Variants in BPIFA3 observed in about 807,000 individuals in gnomAD.
BPIFA3 encodes the protein BPI fold containing family A member 3, also known as BPI fold-containing family A member 3.
In BPIFA3, 32 loss-of-function variants were observed where a neutral mutation model predicts 29.7. That is an observed-to-expected ratio of 1.08 (90% CI 0.81 to 1.45). The LOEUF (loss-of-function observed/expected upper bound fraction) is 1.45. Among genes scored for constraint, BPIFA3 ranks in the 40% most tolerant of loss-of-function variants. The pLI is 0.00. For missense variants in BPIFA3, 323 were observed against 311.3 expected (o/e 1.04, Z -0.28); for synonymous variants, 112 against 113.7 (o/e 0.98, Z 0.10).
intron 1 of BPIFA3, among the ~76,000 whole-genome samples, chr20:33,221,801 T>C (rs2146484208): frequency 6.6e-6 from 1 of 152,378 alleles, no homozygotes; most frequent in East Asian, 1.9e-4. Flanking sequence ...CATAAATGTA[T>C]CCTTTTCATT....
At chr20:33,224,225 TA>T in intron 2 of BPIFA3, 129 bp from the exon 3 acceptor site, 1 of 860,860 alleles carries the variant, frequency 1.2e-6, no homozygotes, top group Non-Finnish European at 1.8e-6. Context: ...AGAGCATCTG[TA>T]AAAGAATCAC....
chr20:33,221,618 C>T (rs1436097278), intron 1 of BPIFA3, among the ~76,000 whole-genome samples: 1 of 152,160 alleles, frequency 6.6e-6, no homozygotes, highest in African/African-American at 2.4e-5. Flanking sequence ...TTTTCTTTCA[C>T]ATTTATCTCT....
At chr20:33,221,058 C>T (rs1379721087) in intron 1 of BPIFA3, among the ~76,000 whole-genome samples, 1 of 152,120 alleles carries the variant, frequency 6.6e-6, no homozygotes. Context: ...TTTCCTCCAA[C>T]CTACTAAATG....
chr20:33,224,589 T>C, intron 3 of BPIFA3, 127 bp downstream of exon 3: 10 of 770,314 alleles, frequency 1.3e-5, no homozygotes, highest in Non-Finnish European at 2.0e-5. Context: ...CTGTGTGACC[T>C]TGGGCAAGTC....
Position 33,223,751 on chromosome 20 carries a change from C to T in BPIFA3, c.128-60C>T, listed in dbSNP as rs559533895. On this transcript the variant is annotated intron_variant, in intron 1 of 6. Transcript: ENST00000375454. ...AGCCTGCAACCCAGGCCTCCGAATCCCAAGCCCCCCACCTTTTCCGTGACA... is the reference window on the plus strand; with the variant it reads ...AGCCTGCAACCCAGGCCTCCGAATCTCAAGCCCCCCACCTTTTCCGTGACA... The T allele has an allele frequency of 4.2e-5, 65 of 1,563,012 alleles. No homozygotes were observed. In the African/African-American group the frequency reaches 8.0e-4, roughly 19 times the overall value.
At chr20:33,226,129 C>G (rs2146489387) in intron 4 of BPIFA3, 2 of 342,396 alleles carry the variant, frequency 5.8e-6, no homozygotes, top group South Asian at 4.0e-5. Context: ...CATTGAGTAC[C>G]TAGATTGTAC....
chr20:33,225,132 C>A lies in BPIFA3; in HGVS notation c.421C>A (p.His141Asn), dbSNP rs751163653. Residue 141 changes from histidine (H) to asparagine (N), a missense_variant, in exon 4 of 7, where the codon CAT (histidine) becomes AAT (asparagine). Transcript: ENST00000375454. ...TAACAACATCGTAAAGATGTGTGCA[C>A]ATATGAGCATCGTTGTGGAGTTCTG... is the stretch of plus-strand genomic sequence containing the variant. ...FDNNIVKMCA[H>N]MSIVVEFWLE... 6.2e-7 allele frequency: 1 copy of A among 1,614,174 alleles called. No individual in the cohort carries two copies. The highest frequency in any genetic ancestry group is 8.5e-7 in the Non-Finnish European group (1 of 1,180,040).
At chr20:33,226,809 C>T in intron 5 of BPIFA3, 121 bp from the exon 6 acceptor site, 1 of 1,195,786 alleles carries the variant, frequency 8.4e-7, no homozygotes, top group Non-Finnish European at 1.2e-6. Flanking sequence ...TACAAGGGAG[C>T]TGCTCTGGCC....
rs2146486707 is a variant in BPIFA3 at position 33,223,881 on chromosome 20, G to A, written c.198G>A (p.Leu66=). The A allele has an allele frequency of 6.2e-7, 1 of 1,614,200 alleles. No homozygotes were observed. Among genetic ancestry groups the A allele is most frequent in the Non-Finnish European group, 8.5e-7 (1 of 1,180,020 alleles). ...RIQNIHFGDR[L]NASAQVAPGL... ...AGAACATCCACTTTGGGGACAGACT[G>A]AATGCCTCAGCACAAGTGGCCCCAG... Residue 66 remains leucine (L), a synonymous_variant, in exon 2 of 7, where the codon CTG becomes CTA. Coordinates refer to ENST00000375454, the MANE Select transcript of BPIFA3 (RefSeq NM_178466.5).
chr20:33,227,446 T>A, intron 6 of BPIFA3, 92 bp from the exon 7 acceptor site: 1 of 1,093,516 alleles, frequency 9.1e-7, no homozygotes, highest in Non-Finnish European at 1.4e-6. Context: ...GGCACCTGCC[T>A]TTGGTCACCA....
At chr20:33,222,444 T>A (rs1223801121) in intron 1 of BPIFA3, among the ~76,000 whole-genome samples, 4 of 152,214 alleles carry the variant, frequency 2.6e-5, no homozygotes, top group South Asian at 2.1e-4. Context: ...ATGGTTCAGA[T>A]AATCAACAGC....
chr20:33,223,680 G>T, intron 1 of BPIFA3, 131 bp from the exon 2 acceptor site: 1 of 877,258 alleles, frequency 1.1e-6, no homozygotes, highest in Non-Finnish European at 1.7e-6. Flanking sequence ...ATCTCCATGG[G>T]GAGGTGGTGA....
chr20:33,225,511 C>A, intron 4 of BPIFA3: 1 of 473,966 alleles, frequency 2.1e-6, no homozygotes, highest in Non-Finnish European at 3.8e-6. Context: ...TCTCTTTTAT[C>A]TCCATCTCCT....
chr20:33,227,721 C>G lies in BPIFA3; in HGVS notation c.*104C>G. ...CTTTACCCCAGGCTCTGTGGACATA[C>G]CATCCTCTCCTACAATAAACTCTAG... On this transcript the variant is annotated 3_prime_UTR_variant, in exon 7 of 7. Coordinates refer to ENST00000375454, the MANE Select transcript of BPIFA3 (RefSeq NM_178466.5). 3 of 892,386 alleles carry G rather than the reference C, an allele frequency of 3.4e-6. No homozygotes were observed. The South Asian group carries it at 4.5e-5, about 13-fold the overall frequency. 55.3% of individuals were successfully genotyped at this position (892,386 alleles called of 1,614,324 possible).
intron 1 of BPIFA3, among the ~76,000 whole-genome samples, chr20:33,220,421 T>C (rs1335407270): frequency 6.6e-6 from 1 of 152,012 alleles, no homozygotes; most frequent in Non-Finnish European, 1.5e-5. Context: ...AGGCTGGAAA[T>C]TGGATTGGAG....
At chr20:33,222,883 T>G (rs1985595549) in intron 1 of BPIFA3, among the ~76,000 whole-genome samples, 1 of 152,212 alleles carries the variant, frequency 6.6e-6, no homozygotes, top group Admixed American at 6.5e-5. Context: ...TAAAACTGGT[T>G]TGTACCCTCA....
intron 1 of BPIFA3, among the ~76,000 whole-genome samples, chr20:33,222,175 A>G (rs547915670): frequency 7.2e-5 from 11 of 152,274 alleles, no homozygotes; most frequent in South Asian, 6.2e-4. Context: ...GGTTTGGTTC[A>G]GTCATGAGTT....
chr20:33,225,455 A>G, intron 4 of BPIFA3: 1 of 622,136 alleles, frequency 1.6e-6, no homozygotes, highest in Non-Finnish European at 2.7e-6. Context: ...CCTCAAGCCC[A>G]TCATCACAAG....
chr20:33,227,537 G>C lies in BPIFA3; in HGVS notation c.686-1G>C. On this transcript the variant is annotated splice_acceptor_variant, in intron 6 of 6. Transcript: ENST00000375454. LOFTEE classifies it high-confidence loss of function. ...ACAGACGCTACCTCTTCTCCTTACA[G>C]AACAGGAGGCTGCTCATGAACCAAC... 6.2e-7 allele frequency: 1 copy of C among 1,613,484 alleles called. No individual in the cohort carries two copies. The highest frequency in any genetic ancestry group is 2.2e-5 in the East Asian group (1 of 44,882).
Sources: gnomAD v4.1 joint callset for allele counts (sites outside exome capture counted in the v4.1 genomes callset) on GRCh38, gnomAD v4.1.1 for gene constraint, MANE v1.5 for transcripts, NCBI Gene and HGNC (gene_info 2026-07-23, HGNC 2026-07-21) for gene names.